The following CSGALNACT1 variants were observed in gnomAD, a reference collection of about 807,000 sequenced individuals.
The protein encoded by CSGALNACT1 is beta4GalNAcT-1.
A neutral mutation model predicts 51.0 loss-of-function variants in CSGALNACT1; 52 were observed. The ratio of observed to expected loss-of-function variants is 1.02; its 90% confidence interval spans 0.82 to 1.29. The LOEUF (loss-of-function observed/expected upper bound fraction) is 1.29, where lower values mean the gene tolerates loss of function less well. CSGALNACT1 is among the 50% of genes most tolerant of loss of function. The pLI is 0.00. For missense variants in CSGALNACT1, 935 were observed against 679.2 expected, an observed-to-expected ratio of 1.38 and a Z score of -4.19; for synonymous variants, 341 against 254.4, an observed-to-expected ratio of 1.34 and a Z score of -3.24.
chr8:19,419,902 C>T (rs993775364), intron 7 of CSGALNACT1, among the ~76,000 whole-genome samples: 6 of 152,178 alleles, frequency 3.9e-5, no homozygotes, highest in African/African-American at 1.4e-4. Flanking sequence ...CCCCAGATAT[C>T]CTGGAAGGGA....
intron 1 of CSGALNACT1, among the ~76,000 whole-genome samples, chr8:19,657,119 TAAAAC>T (rs1303871825): frequency 1.3e-5 from 2 of 148,262 alleles, no homozygotes; most frequent in Non-Finnish European, 3.0e-5. Flanking sequence ...AAGTAAAACT[TAAAAC>T]AAAGAATTTT....
chr8:19,728,684 C>T lies in CSGALNACT1; in HGVS notation c.-297+29166G>A, dbSNP rs77907147. Among the ~76,000 whole-genome samples the T allele has an allele frequency of 7.5e-3, 1,149 of 152,246 alleles. 14 individuals carry two copies. The highest frequency in any genetic ancestry group is 0.026 in the African/African-American group (1,080 of 41,550). On this transcript the variant is annotated intron_variant, in intron 1 of 1. Transcript: ENST00000517494. ...GGAATAAAGTACTATTCATTCAATG[C>T]AGAGGCACGCTGCCTCTGCATAAAA... is the stretch of plus-strand genomic sequence containing the variant.
At chr8:19,549,537 C>A (rs972914688) in intron 3 of CSGALNACT1, among the ~76,000 whole-genome samples, 6 of 152,058 alleles carry the variant, frequency 3.9e-5, no homozygotes, top group Non-Finnish European at 7.4e-5. Flanking sequence ...CTCTTCATCC[C>A]CTGGTCCAAT....
intron 3 of CSGALNACT1, among the ~76,000 whole-genome samples, chr8:19,551,456 G>A (rs952029245): frequency 2.6e-5 from 4 of 152,168 alleles, no homozygotes; most frequent in African/African-American, 9.7e-5. Context: ...TCCCTCAATT[G>A]GGTGGCAAAG....
chr8:19,425,733 A>G (rs1440394864), intron 6 of CSGALNACT1, among the ~76,000 whole-genome samples: 1 of 152,140 alleles, frequency 6.6e-6, no homozygotes, highest in East Asian at 1.9e-4. Context: ...ACTCGGATAG[A>G]CTGAGCCTTC....
At chr8:19,709,846 C>A (rs753233952) in intron 1 of CSGALNACT1, among the ~76,000 whole-genome samples, 1 of 152,084 alleles carries the variant, frequency 6.6e-6, no homozygotes, top group South Asian at 2.1e-4. Context: ...TGTAAGTGGA[C>A]GCAGGACAGA....
intron 1 of CSGALNACT1, among the ~76,000 whole-genome samples, chr8:19,651,463 T>C (rs1011108406): frequency 1.3e-5 from 2 of 152,188 alleles, no homozygotes; most frequent in African/African-American, 4.8e-5. Flanking sequence ...TCTATCTTTG[T>C]GTTCATGTGT....
intron 3 of CSGALNACT1, among the ~76,000 whole-genome samples, chr8:19,520,059 T>C (rs1265879663): frequency 6.6e-6 from 1 of 152,246 alleles, no homozygotes; most frequent in African/African-American, 2.4e-5. Flanking sequence ...AGAATGAAAC[T>C]GTTACTTTTA....
intron 2 of CSGALNACT1, among the ~76,000 whole-genome samples, chr8:19,597,922 T>C (rs2049316717): frequency 6.6e-6 from 1 of 152,016 alleles, no homozygotes; most frequent in Admixed American, 6.5e-5. Context: ...TTATGAACAA[T>C]AGGGAAAATA....
At chr8:19,506,130 C>T (rs773345388) in exon 4 of CSGALNACT1, 11 of 608,028 alleles carry the variant, frequency 1.8e-5, no homozygotes, top group South Asian at 1.7e-4. Flanking sequence ...CAAGAGGGGA[C>T]CTGGGAAGAA....
chr8:19,565,385 T>C lies in CSGALNACT1; in HGVS notation c.-297+25775A>G, dbSNP rs75080773. Reference sequence around the variant, plus strand: ...TAGCAGGACTGCCTACTTGGCAGACTACAAAACTAATAAAGTCCTCAACTA... The same window carrying C: ...TAGCAGGACTGCCTACTTGGCAGACCACAAAACTAATAAAGTCCTCAACTA... On this transcript the variant is annotated intron_variant, in intron 3 of 9. Coordinates refer to ENST00000454498, the Ensembl canonical transcript of CSGALNACT1. Among the ~76,000 whole-genome samples, 1,092 of 152,332 alleles carry C rather than the reference T, an allele frequency of 7.2e-3. 8 individuals are homozygous for C. Among genetic ancestry groups the C allele is most frequent in the Middle Eastern group, 0.017 (5 of 294 alleles).
intron 3 of CSGALNACT1, among the ~76,000 whole-genome samples, chr8:19,584,207 A>G (rs966161080): frequency 6.6e-6 from 1 of 152,198 alleles, no homozygotes; most frequent in African/African-American, 2.4e-5. Flanking sequence ...CTAACTAAAC[A>G]ATCACCTCCC....
chr8:19,426,329 G>A (rs1244489676), intron 6 of CSGALNACT1, among the ~76,000 whole-genome samples: 1 of 152,150 alleles, frequency 6.6e-6, no homozygotes, highest in South Asian at 2.1e-4. Flanking sequence ...GTGACCAATG[G>A]ATTCTGAAGG....
chr8:19,424,934 C>T (rs538029590), intron 6 of CSGALNACT1, among the ~76,000 whole-genome samples: 2 of 152,318 alleles, frequency 1.3e-5, no homozygotes, highest in African/African-American at 4.8e-5. Flanking sequence ...TGCTTCCCCC[C>T]TTCCAAGTAA....
At chr8:19,556,913 C>G (rs1564033519) in intron 3 of CSGALNACT1, among the ~76,000 whole-genome samples, 1 of 150,782 alleles carries the variant, frequency 6.6e-6, no homozygotes, top group Non-Finnish European at 1.5e-5. Context: ...TTAGAGACAC[C>G]TGTAGGCAGG....
chr8:19,427,673 A>C (rs989705583), intron 6 of CSGALNACT1, among the ~76,000 whole-genome samples: 2 of 152,166 alleles, frequency 1.3e-5, no homozygotes, highest in African/African-American at 4.8e-5. Context: ...CTGTAGTCCC[A>C]GCTACTTGGG....
At chr8:19,434,765 T>C (rs564824352) in intron 6 of CSGALNACT1, among the ~76,000 whole-genome samples, 1 of 152,108 alleles carries the variant, frequency 6.6e-6, no homozygotes, top group South Asian at 2.1e-4. Flanking sequence ...ACTAATTATC[T>C]GCTTGGGAGG....
At chr8:19,507,781 C>A (rs373878415) in intron 3 of CSGALNACT1, among the ~76,000 whole-genome samples, 33 of 152,320 alleles carry the variant, frequency 2.2e-4, no homozygotes, top group African/African-American at 7.5e-4. Flanking sequence ...GCACGCATCA[C>A]CACCCCTGGC....
intron 8 of CSGALNACT1, among the ~76,000 whole-genome samples, chr8:19,415,176 A>G (rs2056627852): frequency 6.6e-6 from 1 of 152,226 alleles, no homozygotes; most frequent in Admixed American, 6.5e-5. Flanking sequence ...CTCTATAAAA[A>G]GAAGAAAGTG....
Sources: allele counts gnomAD v4.1 joint callset (sites outside exome capture counted in the v4.1 genomes callset), GRCh38; gene constraint gnomAD v4.1.1; transcripts MANE v1.5; gene names NCBI Gene and HGNC (gene_info 2026-07-23, HGNC 2026-07-21).